CD80: variants seen among roughly 807,000 people sequenced by gnomAD.
The protein encoded by CD80 is CD80 molecule.
Under a neutral mutation model 27.1 loss-of-function variants are expected in CD80, and 13 were observed. The observed-to-expected ratio is 0.48, with a 90% CI of 0.31 to 0.76. The LOEUF is 0.76. Among genes scored for constraint, CD80 ranks in the 30% least tolerant of loss-of-function variants. The pLI is 0.04. For synonymous variants in CD80, 125 were observed against 125.5 expected (o/e 1.00, Z 0.03); for missense variants, 277 against 347.9 (o/e 0.80, Z 1.62).
At chr3:119,530,925 G>A (rs899092766) in intron 4 of CD80, among the ~76,000 whole-genome samples, 2 of 152,242 alleles carry the variant, frequency 1.3e-5, no homozygotes, top group Non-Finnish European at 2.9e-5. Context: ...CTCTCACTAT[G>A]AGTTAGCCAG....
At chr3:119,538,258 G>A (rs1488430594) in intron 3 of CD80, among the ~76,000 whole-genome samples, 1 of 152,184 alleles carries the variant, frequency 6.6e-6, no homozygotes, top group Non-Finnish European at 1.5e-5. Flanking sequence ...TGACACCAGA[G>A]CCTATCTTTT....
chr3:119,525,894 T>C (rs1175046851), intron 6 of CD80, 145 bp from the exon 7 acceptor site: 3 of 61,690 alleles, frequency 4.9e-5, no homozygotes, highest in Admixed American at 1.4e-4. Context: ...TATATATGTA[T>C]ATATATATAT....
In CD80 at chr3:119,544,864, A is replaced by G. The variant is rs142958721; in HGVS notation, c.104T>C (p.Val35Ala). Residue 35 changes from valine to alanine, a missense_variant, in exon 3 of 7, where the codon GTT becomes GCT. Transcript: ENST00000264246. The part of the protein sequence containing the change: ...LAGLSHFCSG[V>A]IHVTKEVKEV... ...TTTCACTTCCTTGGTCACGTGGATA[A>G]CACCTATGGAGAGGCAAACAGAACA... is the stretch of plus-strand genomic sequence containing the variant. 51 of 1,613,178 alleles carry G rather than the reference A, an allele frequency of 3.2e-5. No homozygotes were observed. The highest frequency in any genetic ancestry group is 4.2e-6 in the Non-Finnish European group (5 of 1,179,356).
In CD80 at chr3:119,551,188, G is replaced by A. The variant is rs145028040; in HGVS notation, c.101-6321C>T. Among the ~76,000 whole-genome samples, 565 of 152,300 alleles carry A rather than the reference G, an allele frequency of 3.7e-3. 2 individuals carry two copies. Among genetic ancestry groups the A allele is most frequent in the Admixed American group, 8.5e-3 (130 of 15,294 alleles). ...AATGCATGTCTAGGCATGAGGAAAT[G>A]AGGTCTGGCTCCATCCACTGTGTAT... On this transcript the variant is annotated intron_variant, in intron 2 of 6. Coordinates refer to ENST00000264246, the MANE Select transcript of CD80 (RefSeq NM_005191.4).
intron 2 of CD80, among the ~76,000 whole-genome samples, chr3:119,547,027 T>G (rs891397716): frequency 6.6e-6 from 1 of 152,200 alleles, no homozygotes; most frequent in African/African-American, 2.4e-5. Flanking sequence ...CCTCCCCTTT[T>G]CACTTGAGTG....
chr3:119,544,183 C>G (rs1189738919), intron 3 of CD80, among the ~76,000 whole-genome samples: 1 of 152,172 alleles, frequency 6.6e-6, no homozygotes, highest in Non-Finnish European at 1.5e-5. Flanking sequence ...CCACCATACC[C>G]AGCCCCGTTA....
intron 3 of CD80, among the ~76,000 whole-genome samples, chr3:119,538,882 G>T (rs1384812453): frequency 6.6e-6 from 1 of 152,180 alleles, no homozygotes; most frequent in East Asian, 1.9e-4. Context: ...GTGTGCGTGT[G>T]AGTGGGGGGC....
intron 3 of CD80, among the ~76,000 whole-genome samples, chr3:119,541,139 A>G (rs73854854): frequency 0.094 from 14,317 of 152,168 alleles, 1,515 homozygotes; most frequent in African/African-American, 0.26. Context: ...TGTTTAGGGT[A>G]ACTACTCCTG....
intron 2 of CD80, among the ~76,000 whole-genome samples, chr3:119,552,211 G>A (rs1410322000): frequency 6.6e-6 from 1 of 152,156 alleles, no homozygotes; most frequent in Admixed American, 6.5e-5. Flanking sequence ...CCTCTCGGCC[G>A]GGCGTGGTGG....
chr3:119,531,000 TA>T (rs1487401849), intron 4 of CD80, among the ~76,000 whole-genome samples: 5 of 152,352 alleles, frequency 3.3e-5, no homozygotes, highest in Non-Finnish European at 7.3e-5. Flanking sequence ...AGTTTAGTGT[TA>T]AAGATTATCT....
At position 119,537,215 on chromosome 3, in the gene CD80, T is replaced by C. The variant is rs2082144176; in HGVS notation, c.622A>G (p.Met208Val). Reference protein sequence around the residue: ...YAVSSKLDFNMTTNHSFMCLI... With the variant: ...YAVSSKLDFNVTTNHSFMCLI... The stretch of plus-strand genomic sequence containing the variant: ...CACATGAAGCTGTGGTTGGTTGTCA[T>C]ATTGAAATCCAGTTTGCTGCTAACA... Residue 208 changes from methionine (M) to valine (V), a missense_variant, in exon 4 of 7, where the codon ATG (methionine) becomes GTG (valine). Coordinates refer to ENST00000264246, the MANE Select transcript of CD80 (RefSeq NM_005191.4). 6.2e-7 allele frequency: 1 copy of C among 1,613,952 alleles called. No homozygotes were observed. Among genetic ancestry groups the C allele is most frequent in the Non-Finnish European group, 8.5e-7 (1 of 1,179,920 alleles).
rs117630352 is a variant in CD80, at chr3:119,555,760, A to C, written c.100+1869T>G. Among the ~76,000 whole-genome samples the C allele has an allele frequency of 6.6e-5, 10 of 152,362 alleles. No individual in the cohort carries two copies. In the East Asian group the frequency reaches 1.9e-3, roughly 29 times the overall value. On this transcript the variant is annotated intron_variant, in intron 2 of 6. Transcript: ENST00000264246. Reference sequence around the variant, plus strand: ...CCTCTTTCCAATGATAGTAAATTTCACAAATGCAAGAGCCATGTCCCCAGG... The same window carrying C: ...CCTCTTTCCAATGATAGTAAATTTCCCAAATGCAAGAGCCATGTCCCCAGG...
At chr3:119,526,755 T>G (rs1227747237) in intron 6 of CD80, among the ~76,000 whole-genome samples, 1 of 152,222 alleles carries the variant, frequency 6.6e-6, no homozygotes, top group Non-Finnish European at 1.5e-5. Flanking sequence ...ATTTTTCATT[T>G]TTCTTTATAT....
At chr3:119,534,686 A>G (rs2107741186) in intron 4 of CD80, among the ~76,000 whole-genome samples, 1 of 152,314 alleles carries the variant, frequency 6.6e-6, no homozygotes, top group South Asian at 2.1e-4. Flanking sequence ...CTTCAATCAG[A>G]ATAATGTAAA....
rs1223715074 is a variant in CD80, at chr3:119,529,913, T to G, written c.725A>C (p.Asn242Thr). Reference protein sequence around the residue: ...NTTKQEHFPDNLLPSWAITLI... With the variant: ...NTTKQEHFPDTLLPSWAITLI... Reference sequence around the variant, plus strand: ...GGTAATGGCCCAGGATGGGAGCAGGTTATCAGGAAAATGCTCTTGCTTGGC... The same window carrying G: ...GGTAATGGCCCAGGATGGGAGCAGGGTATCAGGAAAATGCTCTTGCTTGGC... The change falls in exon 5 of 7, where the codon AAC (asparagine) becomes ACC (threonine). Residue 242 changes from asparagine to threonine, a missense_variant. Physicochemically the swap from Asn to Thr is moderately conservative, Grantham distance 65. Transcript: ENST00000264246. 6.2e-7 allele frequency: 1 copy of G among 1,613,638 alleles called. No homozygotes were observed.
At chr3:119,528,306 T>C (rs186590481) in intron 5 of CD80, among the ~76,000 whole-genome samples, 2 of 152,296 alleles carry the variant, frequency 1.3e-5, no homozygotes, top group East Asian at 3.9e-4. Flanking sequence ...TTCACTGAGC[T>C]TTGGGTTTTT....
intron 3 of CD80, among the ~76,000 whole-genome samples, chr3:119,543,220 T>C (rs2082180214): frequency 6.6e-6 from 1 of 152,248 alleles, no homozygotes; most frequent in South Asian, 2.1e-4. Context: ...TCTTGATGAA[T>C]TGGCTCTATC....
intron 5 of CD80, among the ~76,000 whole-genome samples, chr3:119,528,540 T>C (rs1560052827): frequency 6.6e-6 from 1 of 152,062 alleles, no homozygotes. Flanking sequence ...ATCTTAGAAA[T>C]CTCTTCTTTC....
chr3:119,530,766 G>T (rs2082105566), intron 4 of CD80, among the ~76,000 whole-genome samples: 2 of 152,142 alleles, frequency 1.3e-5, no homozygotes, highest in African/African-American at 4.8e-5. Flanking sequence ...CTCATTTTCT[G>T]GTTTCTCTGA....
Sources: gnomAD v4.1 joint callset for allele counts (sites outside exome capture counted in the v4.1 genomes callset) on GRCh38, gnomAD v4.1.1 for gene constraint, MANE v1.5 for transcripts, NCBI Gene and HGNC (gene_info 2026-07-23, HGNC 2026-07-21) for gene names.